MCF2L: variants seen among roughly 807,000 people sequenced by gnomAD.
MCF2L encodes guanine nucleotide exchange factor DBS.
A neutral mutation model predicts 153.4 loss-of-function variants in MCF2L; 97 were observed. That is an observed-to-expected ratio of 0.63 (90% CI 0.54 to 0.75). MCF2L has a LOEUF of 0.75. MCF2L is among the 30% of genes least tolerant of loss of function. The probability of loss-of-function intolerance (pLI) is 0.00; values close to 1 mark genes in which losing one functional copy is unlikely to be tolerated. For missense variants in MCF2L, 1,347 were observed against 1,495.2 expected (o/e 0.90, Z 1.64); for synonymous variants, 659 against 632.2 (o/e 1.04, Z -0.64).
chr13:112,905,599 A>C (rs2081165042), intron 2 of MCF2L, among the ~76,000 whole-genome samples: 1 of 152,126 alleles, frequency 6.6e-6, no homozygotes, highest in Non-Finnish European at 1.5e-5. Context: ...CTCGACACCC[A>C]CCATCCTACT....
At chr13:113,049,252 G>T (rs1026727381) in intron 4 of MCF2L, among the ~76,000 whole-genome samples, 6 of 151,484 alleles carry the variant, frequency 4.0e-5, no homozygotes, top group Admixed American at 3.3e-4. Flanking sequence ...GGCTTAGAGG[G>T]TCACTGGTCA....
At chr13:112,927,396 A>C (rs768887301) in intron 2 of MCF2L, among the ~76,000 whole-genome samples, 29 of 152,192 alleles carry the variant, frequency 1.9e-4, no homozygotes, top group Non-Finnish European at 2.9e-4. Context: ...CCATGGAAAA[A>C]ACTGAACACA....
chr13:113,027,223 C>T lies in MCF2L; in HGVS notation c.278+2465C>T, dbSNP rs142740159. 7.8e-3 allele frequency among the ~76,000 whole-genome samples: 1,188 copies of T among 152,278 alleles called. 17 individuals carry two copies. The highest frequency in any genetic ancestry group is 0.028 in the African/African-American group (1,151 of 41,544). On this transcript the variant is annotated intron_variant, in intron 3 of 29. Coordinates refer to ENST00000535094, the MANE Select transcript of MCF2L (RefSeq NM_001112732.3). The surrounding 1 kb of genome is among the most constrained non-coding windows in gnomAD (Gnocchi z 4.8). Reference sequence around the variant, plus strand: ...GCGCACTGGGCCTGGTAACTGAGAGCTCAGCCCGTCGGCCTGACCTGGAAA... The same window carrying T: ...GCGCACTGGGCCTGGTAACTGAGAGTTCAGCCCGTCGGCCTGACCTGGAAA...
intron 1 of MCF2L, among the ~76,000 whole-genome samples, chr13:112,996,234 C>T (rs1424013639): frequency 1.3e-5 from 2 of 152,146 alleles, no homozygotes; most frequent in Non-Finnish European, 2.9e-5. Context: ...GCGGGAGGAC[C>T]ACTTGAGCTC....
chr13:113,003,728 A>G (rs2083514306), intron 1 of MCF2L, among the ~76,000 whole-genome samples: 1 of 152,156 alleles, frequency 6.6e-6, no homozygotes. Flanking sequence ...CTTAGGGTAC[A>G]TTGAAGAAGC....
At chr13:113,065,153 C>G in intron 7 of MCF2L, 68 bp downstream of exon 7, 1 of 1,559,082 alleles carries the variant, frequency 6.4e-7, no homozygotes, top group East Asian at 2.3e-5. Context: ...CGCGGGGCTC[C>G]GGTCGGAAGC....
chr13:113,056,021 C>A (rs2087742983), intron 4 of MCF2L, among the ~76,000 whole-genome samples: 1 of 152,212 alleles, frequency 6.6e-6, no homozygotes, highest in South Asian at 2.1e-4. Flanking sequence ...CCAAGTGTGC[C>A]GGCCACTGAG....
chr13:112,900,899 C>T lies in MCF2L; in HGVS notation c.-4-1300C>T, dbSNP rs114991194. Among the ~76,000 whole-genome samples the T allele has an allele frequency of 5.3e-3, 737 of 139,290 alleles. 10 individuals are homozygous for T. Among genetic ancestry groups the T allele is most frequent in the African/African-American group, 0.019 (700 of 36,952 alleles). The allele number at this position is 139,290 out of a possible 152,430, so 91.4% of individuals were successfully genotyped here. On this transcript the variant is annotated intron_variant, in intron 1 of 29. Transcript: ENST00000375608. ...AGCGCCTGTGGGGTGGTCTGGGCAC[C>T]TGCAGGTCTGACCTGAGGGATGGGA...
chr13:113,066,564 T>TA (rs1356002474), intron 8 of MCF2L, among the ~76,000 whole-genome samples: 5 of 152,218 alleles, frequency 3.3e-5, no homozygotes, highest in Admixed American at 3.3e-4. Context: ...TAGTGTTTCT[T>TA]ACTTTCATTG....
At chr13:112,976,672 G>A (rs530257631) in intron 1 of MCF2L, among the ~76,000 whole-genome samples, 64 of 152,344 alleles carry the variant, frequency 4.2e-4, no homozygotes, top group African/African-American at 1.5e-3. Context: ...CACCAGACCG[G>A]AGCCACGACC....
At chr13:112,944,881 G>T (rs906628609) in intron 2 of MCF2L, among the ~76,000 whole-genome samples, 3 of 152,160 alleles carry the variant, frequency 2.0e-5, no homozygotes, top group Non-Finnish European at 1.5e-5. Flanking sequence ...AGGGAGCAAG[G>T]TCTGCCTGAT....
At chr13:112,974,159 C>T (rs112842621) in intron 1 of MCF2L, among the ~76,000 whole-genome samples, 10 of 152,324 alleles carry the variant, frequency 6.6e-5, no homozygotes, top group East Asian at 3.9e-4. Flanking sequence ...TTTAGTCTTA[C>T]GTTTGGAGTT....
rs1456823640 is a variant in MCF2L, at chr13:113,054,288, G to C, written c.370-6305G>C. The C allele has an allele frequency of 6.0e-6, 1 of 167,724 alleles. No individual in the cohort carries two copies. Among genetic ancestry groups the C allele is most frequent in the East Asian group, 1.9e-4 (1 of 5,202 alleles). The allele number at this position is 167,724 out of a possible 1,614,324, so 10.4% of individuals were successfully genotyped here. A position where few individuals can be genotyped will look rare whatever the true frequency, so the allele number is the denominator to read the frequency against. On this transcript the variant is annotated intron_variant, in intron 4 of 29. Transcript: ENST00000535094. The surrounding 1 kb of genome is among the most constrained non-coding windows in gnomAD (Gnocchi z 5.2). ...GGATGTGTGTCTGCAGATTCTCCCT[G>C]TATTTTCTCCCAGGCTTTCTAGAGG...
chr13:112,992,434 G>C (rs2082930094), intron 1 of MCF2L, among the ~76,000 whole-genome samples: 1 of 152,230 alleles, frequency 6.6e-6, no homozygotes, highest in Non-Finnish European at 1.5e-5. Context: ...CCCCATCTCA[G>C]TGAGGGCAGT....
At chr13:112,913,751 A>G (rs550229284) in intron 2 of MCF2L, among the ~76,000 whole-genome samples, 2 of 152,222 alleles carry the variant, frequency 1.3e-5, no homozygotes, top group African/African-American at 4.8e-5. Context: ...CAGCCCAACA[A>G]ATAGATTCGT....
intron 1 of MCF2L, among the ~76,000 whole-genome samples, chr13:112,894,853 C>A (rs1333014390): frequency 6.6e-6 from 1 of 151,822 alleles, no homozygotes; most frequent in Non-Finnish European, 1.5e-5. Flanking sequence ...CGATGGGGGG[C>A]CAGTGTCCAG....
intron 5 of MCF2L, among the ~76,000 whole-genome samples, chr13:113,060,956 G>C (rs1184934865): frequency 6.7e-6 from 1 of 150,004 alleles, no homozygotes; most frequent in Non-Finnish European, 1.5e-5. Context: ...ACCTCAGAGA[G>C]GCCACCGTGT....
At chr13:112,990,455 G>C (rs780391174) in intron 1 of MCF2L, among the ~76,000 whole-genome samples, 4 of 152,202 alleles carry the variant, frequency 2.6e-5, no homozygotes, top group Admixed American at 6.5e-5. Context: ...GCCTTGAGAA[G>C]TGTGACATAA....
At position 113,028,463 on chromosome 13, in the gene MCF2L, G is replaced by A. The variant is rs2085443588; in HGVS notation, c.278+3705G>A. Among the ~76,000 whole-genome samples, 1 of 152,158 alleles carries A rather than the reference G, an allele frequency of 6.6e-6. No homozygotes were observed. Among genetic ancestry groups the A allele is most frequent in the Admixed American group, 6.5e-5 (1 of 15,282 alleles). On this transcript the variant is annotated intron_variant, in intron 3 of 29. Transcript: ENST00000535094. This position sits in a 1 kb window ranked among gnomAD's most constrained non-coding sequence, Gnocchi z 5.4. ...CTCAGATGGGTCCAGACTCCTGCAG[G>A]ACAAGACCCACTCAGCCACCTCTGT...
Sources: allele counts gnomAD v4.1 joint callset (sites outside exome capture counted in the v4.1 genomes callset), GRCh38; gene constraint gnomAD v4.1.1; non-coding constraint Gnocchi (gnomAD v3.1); transcripts MANE v1.5; gene names NCBI Gene and HGNC (gene_info 2026-07-23, HGNC 2026-07-21).